The following FAM107B variants were observed in gnomAD, a reference collection of about 807,000 sequenced individuals.
FAM107B encodes protein FAM107B.
In FAM107B, 21 loss-of-function variants were observed where a neutral mutation model predicts 31.5. That is an observed-to-expected ratio of 0.67 (90% CI 0.47 to 0.96). The LOEUF is 0.96. Ranked by LOEUF, FAM107B falls within the 40% of genes least tolerant of loss-of-function variation. The probability of loss-of-function intolerance (pLI) is 0.00; values close to 1 mark genes in which losing one functional copy is unlikely to be tolerated. For missense variants in FAM107B, 452 were observed against 377.1 expected (o/e 1.20, Z -1.64); for synonymous variants, 157 against 141.5 (o/e 1.11, Z -0.78).
chr10:14,767,436 AC>A (rs919884490), intron 1 of FAM107B, among the ~76,000 whole-genome samples: 1 of 152,052 alleles, frequency 6.6e-6, no homozygotes, highest in Non-Finnish European at 1.5e-5. Context: ...ATACTAGCAA[AC>A]AGAAAACTGC....
intron 1 of FAM107B, among the ~76,000 whole-genome samples, chr10:14,717,025 G>A (rs1464908192): frequency 6.6e-6 from 1 of 152,192 alleles, no homozygotes; most frequent in African/African-American, 2.4e-5. Flanking sequence ...GTGAGGCAGA[G>A]GTTGCAGGGA....
chr10:14,564,390 A>G (rs986711206), intron 2 of FAM107B, among the ~76,000 whole-genome samples: 3 of 151,992 alleles, frequency 2.0e-5, no homozygotes, highest in African/African-American at 4.8e-5. Flanking sequence ...GATCCATTTC[A>G]CCATTCTATA....
intron 3 of FAM107B, among the ~76,000 whole-genome samples, chr10:14,526,894 G>A (rs1846302970): frequency 6.6e-6 from 1 of 150,826 alleles, no homozygotes; most frequent in Non-Finnish European, 1.5e-5. Context: ...CTGGAGTGTA[G>A]TGGCGCCATC....
chr10:14,650,402 C>T (rs1025110332), intron 2 of FAM107B, among the ~76,000 whole-genome samples: 2 of 152,080 alleles, frequency 1.3e-5, no homozygotes, highest in Non-Finnish European at 2.9e-5. Flanking sequence ...TCTCCCACCT[C>T]AGCTTCCCTA....
chr10:14,636,207 C>G (rs1282118095), intron 2 of FAM107B, among the ~76,000 whole-genome samples: 1 of 142,330 alleles, frequency 7.0e-6, no homozygotes, highest in Admixed American at 7.4e-5. Context: ...ATCCTATGCC[C>G]AATCAGAATA....
intron 1 of FAM107B, among the ~76,000 whole-genome samples, chr10:14,743,767 T>C (rs532772823): frequency 1.3e-5 from 2 of 152,342 alleles, no homozygotes; most frequent in South Asian, 4.2e-4. Flanking sequence ...CCTTGTAGTA[T>C]AGTTTGAAGT....
chr10:14,715,475 G>C (rs1855759514), intron 1 of FAM107B, among the ~76,000 whole-genome samples: 1 of 152,218 alleles, frequency 6.6e-6, no homozygotes, highest in African/African-American at 2.4e-5. Flanking sequence ...CCAAAACGCA[G>C]TGGCTGTGAT....
At chr10:14,531,943 TTAAG>T (rs1847068905) in intron 2 of FAM107B, among the ~76,000 whole-genome samples, 1 of 152,250 alleles carries the variant, frequency 6.6e-6, no homozygotes, top group Non-Finnish European at 1.5e-5. Flanking sequence ...GTTCTCAGGC[TTAAG>T]TAAGTCCTCA....
chr10:14,598,139 G>A (rs1041927930), intron 2 of FAM107B, among the ~76,000 whole-genome samples: 7 of 152,036 alleles, frequency 4.6e-5, no homozygotes, highest in Non-Finnish European at 8.8e-5. Context: ...TTTTCACTCC[G>A]TTGACTGTTT....
chr10:14,624,280 G>A (rs1443376685), intron 2 of FAM107B, among the ~76,000 whole-genome samples: 1 of 152,186 alleles, frequency 6.6e-6, no homozygotes, highest in Non-Finnish European at 1.5e-5. Flanking sequence ...GCTGTTCCAA[G>A]GCTGGTGGGA....
At chr10:14,524,546 GCA>G (rs1374991771) in intron 3 of FAM107B, among the ~76,000 whole-genome samples, 1 of 152,108 alleles carries the variant, frequency 6.6e-6, no homozygotes, top group Non-Finnish European at 1.5e-5. Flanking sequence ...TAAAAAATAT[GCA>G]CAGATTAAAT....
At chr10:14,697,372 T>C (rs1160892634) in intron 1 of FAM107B, among the ~76,000 whole-genome samples, 2 of 152,232 alleles carry the variant, frequency 1.3e-5, no homozygotes, top group African/African-American at 4.8e-5. Context: ...TCCGGAATCA[T>C]TTTCAGAGCA....
chr10:14,684,972 T>C (rs182811029), intron 1 of FAM107B, among the ~76,000 whole-genome samples: 1 of 151,786 alleles, frequency 6.6e-6, no homozygotes, highest in East Asian at 1.9e-4. Flanking sequence ...AGGCGTGCAC[T>C]ACTATGCCTG....
At chr10:14,565,805 G>A (rs756551884) in intron 2 of FAM107B, among the ~76,000 whole-genome samples, 8 of 152,188 alleles carry the variant, frequency 5.3e-5, no homozygotes, top group Non-Finnish European at 8.8e-5. Flanking sequence ...ATAATCGAGC[G>A]AGAGAAGGAA....
intron 1 of FAM107B, among the ~76,000 whole-genome samples, chr10:14,693,162 T>C (rs77235065): frequency 3.3e-4 from 51 of 152,310 alleles, no homozygotes; most frequent in African/African-American, 1.2e-3. Flanking sequence ...GTTTTTTAAA[T>C]ATAACTTTTA....
chr10:14,599,341 T>C (rs1241511555), intron 2 of FAM107B, among the ~76,000 whole-genome samples: 1 of 152,142 alleles, frequency 6.6e-6, no homozygotes, highest in Non-Finnish European at 1.5e-5. Flanking sequence ...TCACAGCCTC[T>C]AAGGGGGTGC....
At chr10:14,706,517 T>G (rs1285917401) in intron 1 of FAM107B, among the ~76,000 whole-genome samples, 1 of 152,182 alleles carries the variant, frequency 6.6e-6, no homozygotes, top group Non-Finnish European at 1.5e-5. Flanking sequence ...CTCATTTTAA[T>G]GCTAAAACTT....
At chr10:14,761,172 CT>C (rs1833039841) in intron 1 of FAM107B, among the ~76,000 whole-genome samples, 1 of 152,142 alleles carries the variant, frequency 6.6e-6, no homozygotes, top group Non-Finnish European at 1.5e-5. Context: ...TGAAGTCTAA[CT>C]TTAAAGTGTT....
chr10:14,531,042 G>C (rs751641667), intron 2 of FAM107B, among the ~76,000 whole-genome samples: 1 of 152,224 alleles, frequency 6.6e-6, no homozygotes, highest in Middle Eastern at 3.4e-3. Flanking sequence ...GAACAAAGAC[G>C]GGATGGAATC....
Sources: gnomAD v4.1 joint callset for allele counts (sites outside exome capture counted in the v4.1 genomes callset) on GRCh38, gnomAD v4.1.1 for gene constraint, MANE v1.5 for transcripts, NCBI Gene and HGNC (gene_info 2026-07-23, HGNC 2026-07-21) for gene names.